Variants in ORMDL1 observed in about 807,000 individuals in gnomAD.
ORMDL1 encodes the protein ORMDL sphingolipid biosynthesis regulator 1, also known as ORM1-like protein 1.
Under a neutral mutation model 13.0 loss-of-function variants are expected in ORMDL1, and 10 were observed. The ratio of observed to expected loss-of-function variants is 0.77; its 90% confidence interval spans 0.47 to 1.30. ORMDL1 has a LOEUF of 1.30. Ranked by LOEUF, ORMDL1 falls within the 50% of genes most tolerant of loss-of-function variation. The pLI is 0.00. For synonymous variants in ORMDL1, 61 were observed against 63.9 expected, an observed-to-expected ratio of 0.95 and a Z score of 0.22; for missense variants, 171 against 186.7, an observed-to-expected ratio of 0.92 and a Z score of 0.49.
chr2:189,773,651 G>A (rs776051549), intron 4 of ORMDL1, among the ~76,000 whole-genome samples: 61 of 147,388 alleles, frequency 4.1e-4, no homozygotes, highest in Non-Finnish European at 7.9e-4. Flanking sequence ...GAACCTGGGA[G>A]GCGGAGGTTG....
At chr2:189,772,832 A>AG (rs1369599329) in intron 4 of ORMDL1, among the ~76,000 whole-genome samples, 2 of 152,222 alleles carry the variant, frequency 1.3e-5, no homozygotes, top group Non-Finnish European at 2.9e-5. Context: ...AGAAGAGAGG[A>AG]GCTACTTCCA....
At chr2:189,776,106 A>T (rs774265323) in intron 3 of ORMDL1, among the ~76,000 whole-genome samples, 2 of 152,176 alleles carry the variant, frequency 1.3e-5, no homozygotes, top group Non-Finnish European at 2.9e-5. Flanking sequence ...AAATTTGATG[A>T]TACTTAAAAA....
At chr2:189,776,389 CAT>C (rs1464855821) in intron 3 of ORMDL1, among the ~76,000 whole-genome samples, 2 of 151,944 alleles carry the variant, frequency 1.3e-5, no homozygotes, top group African/African-American at 4.8e-5. Context: ...TATGTCTAAA[CAT>C]ATAATTTTTT....
downstream of ORMDL1, among the ~76,000 whole-genome samples, chr2:189,765,894 T>C (rs2047476301): frequency 6.7e-6 from 1 of 148,838 alleles, no homozygotes. Flanking sequence ...TGGTGTGAGG[T>C]TGGCTCACTA....
rs563502359 is a variant in ORMDL1, at chr2:189,778,160, C to T, written c.175-2444G>A. ...GCTCACACTCAGCACTTTGGGAGGC[C>T]GAGGCGGGCAGATCACCTGAGGTTG... On this transcript the variant is annotated intron_variant, in intron 3 of 4. Coordinates refer to ENST00000392349, the MANE Select transcript of ORMDL1 (RefSeq NM_016467.5). The T allele has an allele frequency of 2.1e-4, 93 of 441,530 alleles. No individual in the cohort carries two copies. The Admixed American group carries it at 2.3e-3, about 11-fold the overall frequency. 27.4% of individuals were successfully genotyped at this position (441,530 alleles called of 1,614,324 possible).
chr2:189,767,614 T>C (rs1358903005), downstream of ORMDL1, among the ~76,000 whole-genome samples: 1 of 152,226 alleles, frequency 6.6e-6, no homozygotes, highest in African/African-American at 2.4e-5. Context: ...GCTTATTTCT[T>C]TACTAAAGTT....
In ORMDL1 at chr2:189,775,564, C is replaced by A; in HGVS notation, c.326+1G>T. The A allele has an allele frequency of 6.3e-7, 1 of 1,594,576 alleles. No individual in the cohort carries two copies. The highest frequency in any genetic ancestry group is 8.5e-7 in the Non-Finnish European group (1 of 1,171,406). ...CATACCTAAAAATTTCTGCCACTTA[C>A]AGAATTATTGGAGAAATTGTGAAAA... On this transcript the variant is annotated splice_donor_variant, in intron 4 of 4. Transcript: ENST00000392349. LOFTEE classifies it high-confidence loss of function.
At chr2:189,778,787 C>G (rs116809516) in intron 3 of ORMDL1, among the ~76,000 whole-genome samples, 2,774 of 152,082 alleles carry the variant, frequency 0.018, 97 homozygotes, top group African/African-American at 0.063. Flanking sequence ...CCCATCTGTT[C>G]AGGACGCTGA....
At chr2:189,778,848 T>C (rs965891915) in intron 3 of ORMDL1, among the ~76,000 whole-genome samples, 2 of 152,056 alleles carry the variant, frequency 1.3e-5, no homozygotes, top group South Asian at 2.1e-4. Flanking sequence ...TGAGCCAAGA[T>C]TGCGCCACTG....
chr2:189,777,669 C>G (rs1386713819), intron 3 of ORMDL1, among the ~76,000 whole-genome samples: 1 of 152,098 alleles, frequency 6.6e-6, no homozygotes, highest in African/African-American at 2.4e-5. Flanking sequence ...AAGTATGTAG[C>G]TCATGCTTAG....
At chr2:189,779,154 G>C (rs2047766673) in intron 3 of ORMDL1, among the ~76,000 whole-genome samples, 1 of 152,126 alleles carries the variant, frequency 6.6e-6, no homozygotes, top group Non-Finnish European at 1.5e-5. Context: ...CTCCAGCCTG[G>C]GTAACAGAGT....
At chr2:189,779,300 G>C (rs1378314044) in intron 3 of ORMDL1, among the ~76,000 whole-genome samples, 2 of 152,126 alleles carry the variant, frequency 1.3e-5, no homozygotes, top group African/African-American at 2.4e-5. Context: ...AACATAGTGA[G>C]AGCCTATCAC....
At chr2:189,768,331 T>A (rs757742121), downstream of ORMDL1, among the ~76,000 whole-genome samples, 4 of 152,226 alleles carry the variant, frequency 2.6e-5, no homozygotes, top group Non-Finnish European at 5.9e-5. Flanking sequence ...CTGTCTATCC[T>A]GTTAGAAAGA....
chr2:189,783,047 T>C lies in ORMDL1; in HGVS notation c.-41A>G, dbSNP rs1308445112. On this transcript the variant is annotated 5_prime_UTR_variant, in exon 2 of 5. Transcript: ENST00000392349. ...TGTGTCAAGTAGTCAGACTCTTATA[T>C]TTGACTTAATGTATCCATAAAGAAT... The C allele has an allele frequency of 1.3e-5, 2 of 159,188 alleles. No homozygotes were observed. Among genetic ancestry groups the C allele is most frequent in the Non-Finnish European group, 2.8e-5 (2 of 71,442 alleles). 9.9% of individuals were successfully genotyped at this position (159,188 alleles called of 1,614,324 possible).
intron 3 of ORMDL1, among the ~76,000 whole-genome samples, chr2:189,779,743 T>G (rs968446321): frequency 2.0e-5 from 3 of 152,132 alleles, no homozygotes; most frequent in Non-Finnish European, 2.9e-5. Flanking sequence ...ACTATTTGAT[T>G]TATCTGAGTA....
chr2:189,770,317 T>C lies in ORMDL1; in HGVS notation c.*1450A>G, dbSNP rs1302999354. 1.3e-5 allele frequency: 2 copies of C among 152,196 alleles called. No homozygotes were observed. Among genetic ancestry groups the C allele is most frequent in the African/African-American group, 2.4e-5 (1 of 41,464 alleles). 9.4% of individuals were successfully genotyped at this position (152,196 alleles called of 1,614,324 possible). A position where few individuals can be genotyped will look rare whatever the true frequency, so the allele number is the denominator to read the frequency against. ...TTTGATGACTAAATTTGGAGGGCTT[T>C]TGAAATAATATTACACCAACGAAAA... On this transcript the variant is annotated 3_prime_UTR_variant, in exon 5 of 5. Transcript: ENST00000392349.
In ORMDL1 at chr2:189,771,880, T is replaced by C; in HGVS notation, c.349A>G (p.Thr117Ala). The change falls in exon 5 of 5, where the codon ACG becomes GCG. Residue 117 changes from threonine (T) to alanine (A), a missense_variant. Coordinates refer to ENST00000392349, the MANE Select transcript of ORMDL1 (RefSeq NM_016467.5). ...IILYFLASFY[T>A]KYDPTHFILN... ...ATGAAGTGAGTTGGATCATACTTCG[T>C]ATAGAAACTTGCCAGAAAATATCTG... The C allele has an allele frequency of 6.3e-7, 1 of 1,597,264 alleles. No homozygotes were observed. Among genetic ancestry groups the C allele is most frequent in the African/African-American group, 1.3e-5 (1 of 74,182 alleles).
downstream of ORMDL1, among the ~76,000 whole-genome samples, chr2:189,765,839 ATTTTTTTT>A (rs72132150): frequency 9.4e-6 from 1 of 106,750 alleles, no homozygotes; most frequent in African/African-American, 3.6e-5. Context: ...TACTTTCTCC[ATTTTTTTT>A]TTTTTTTTTT....
chr2:189,773,653 C>A lies in ORMDL1; in HGVS notation c.327-1751G>T, dbSNP rs956065478. Among the ~76,000 whole-genome samples the A allele has an allele frequency of 9.9e-5, 13 of 131,846 alleles. No individual in the cohort carries two copies. The South Asian group carries it at 3.3e-3, about 33-fold the overall frequency. The allele number at this position is 131,846 out of a possible 152,430, so 86.5% of individuals were successfully genotyped here. On this transcript the variant is annotated intron_variant, in intron 4 of 4. Coordinates refer to ENST00000392349, the MANE Select transcript of ORMDL1 (RefSeq NM_016467.5). ...AGGAGAATCGCTTGAACCTGGGAGGCGGAGGTTGCAGTGAGCCAAGATTAT... is the reference window on the plus strand; with the variant it reads ...AGGAGAATCGCTTGAACCTGGGAGGAGGAGGTTGCAGTGAGCCAAGATTAT...
Sources: allele counts gnomAD v4.1 joint callset (sites outside exome capture counted in the v4.1 genomes callset), GRCh38; gene constraint gnomAD v4.1.1; transcripts MANE v1.5; gene names NCBI Gene and HGNC (gene_info 2026-07-23, HGNC 2026-07-21).